Variants in EPC2 observed in about 807,000 individuals in gnomAD.
EPC2 encodes the protein enhancer of polycomb 2, also known as enhancer of polycomb homolog 2.
EPC2 carries 14 observed loss-of-function variants against 92.1 expected under a neutral mutation model. The ratio of observed to expected loss-of-function variants is 0.15; its 90% CI spans 0.10 to 0.24. The LOEUF (loss-of-function observed/expected upper bound fraction) is 0.24, where lower values mean the gene tolerates loss of function less well. Among genes scored for constraint, EPC2 ranks in the 10% least tolerant of loss-of-function variants. The pLI is 1.00. For missense variants in EPC2, 755 were observed against 971.5 expected, an observed-to-expected ratio of 0.78 and a Z score of 2.96; for synonymous variants, 340 against 334.7, an observed-to-expected ratio of 1.02 and a Z score of -0.17.
intron 2 of EPC2, among the ~76,000 whole-genome samples, chr2:148,739,915 T>C (rs1352709342): frequency 7.6e-6 from 1 of 131,312 alleles, no homozygotes; most frequent in African/African-American, 2.8e-5. Flanking sequence ...CACAGACACA[T>C]GCCCTTATTA....
chr2:148,710,857 G>A (rs896248058), intron 2 of EPC2, among the ~76,000 whole-genome samples: 1 of 152,054 alleles, frequency 6.6e-6, no homozygotes, highest in Admixed American at 6.5e-5. Flanking sequence ...GGGTTGGGGG[G>A]AGTGGGGAGG....
intron 4 of EPC2, among the ~76,000 whole-genome samples, chr2:148,757,103 G>A (rs974401275): frequency 3.3e-5 from 5 of 152,188 alleles, no homozygotes; most frequent in Non-Finnish European, 5.9e-5. Flanking sequence ...AGGGCTGGGC[G>A]TGGTGGCTCA....
At chr2:148,713,091 ATTTACTATTCTATACTT>A (rs1183056809) in intron 2 of EPC2, among the ~76,000 whole-genome samples, 1 of 152,212 alleles carries the variant, frequency 6.6e-6, no homozygotes, top group African/African-American at 2.4e-5. Context: ...TAGCTTGTGT[ATTTACTATTCTATACTT>A]TTTAATCGTT....
intron 7 of EPC2, among the ~76,000 whole-genome samples, chr2:148,767,784 C>T (rs755276751): frequency 6.6e-6 from 1 of 152,152 alleles, no homozygotes; most frequent in African/African-American, 2.4e-5. Context: ...CTTCTTTTGT[C>T]CCCTGGAATC....
chr2:148,707,251 A>C (rs535524943), intron 2 of EPC2, among the ~76,000 whole-genome samples: 55 of 152,350 alleles, frequency 3.6e-4, no homozygotes, highest in Admixed American at 1.5e-3. Flanking sequence ...GAGATAAAGA[A>C]GGCCATTACA....
chr2:148,649,530 T>TAGTA (rs1414436876), intron 1 of EPC2, among the ~76,000 whole-genome samples: 1 of 152,280 alleles, frequency 6.6e-6, no homozygotes, highest in African/African-American at 2.4e-5. Flanking sequence ...TATTGCTGAG[T>TAGTA]AGTATTCCAG....
chr2:148,713,238 A>G lies in EPC2; in HGVS notation c.313+22865A>G, dbSNP rs564357238. ...TAGCTTCATGCAAGTTATTGCCCCT[A>G]AAGAGCTTCCAGTGGGACAAGATGT... is the stretch of plus-strand genomic sequence containing the variant. On this transcript the variant is annotated intron_variant, in intron 2 of 13. Coordinates refer to ENST00000258484, the MANE Select transcript of EPC2 (RefSeq NM_015630.4). Among the ~76,000 whole-genome samples, 4 of 152,292 alleles carry G rather than the reference A, an allele frequency of 2.6e-5. No individual in the cohort carries two copies. The South Asian group carries it at 8.3e-4, about 32-fold the overall frequency.
At chr2:148,661,948 T>C (rs1251752132) in intron 1 of EPC2, among the ~76,000 whole-genome samples, 1 of 152,140 alleles carries the variant, frequency 6.6e-6, no homozygotes, top group Admixed American at 6.5e-5. Flanking sequence ...ATCCAGAATC[T>C]ACAATGAACT....
chr2:148,694,055 GAATA>G (rs1464162306), intron 2 of EPC2, among the ~76,000 whole-genome samples: 1 of 152,058 alleles, frequency 6.6e-6, no homozygotes, highest in Non-Finnish European at 1.5e-5. Context: ...AATATTTGCT[GAATA>G]AATAAATGAG....
At chr2:148,748,906 A>G (rs1339670693) in intron 3 of EPC2, among the ~76,000 whole-genome samples, 1 of 151,916 alleles carries the variant, frequency 6.6e-6, no homozygotes, top group Non-Finnish European at 1.5e-5. Flanking sequence ...TATTTTTATT[A>G]TTTTTCAGCT....
intron 2 of EPC2, among the ~76,000 whole-genome samples, chr2:148,741,456 CCTTTAGATATTT>C (rs1682877779): frequency 6.6e-6 from 1 of 151,962 alleles, no homozygotes; most frequent in Non-Finnish European, 1.5e-5. Flanking sequence ...AAAGCAAATG[CCTTTAGATATTT>C]TAACTTCATC....
chr2:148,761,381 A>G (rs1683298562), intron 4 of EPC2, among the ~76,000 whole-genome samples: 1 of 152,168 alleles, frequency 6.6e-6, no homozygotes, highest in African/African-American at 2.4e-5. Context: ...GGATGAATGG[A>G]TGAGGGGACT....
intron 8 of EPC2, among the ~76,000 whole-genome samples, chr2:148,770,075 T>C (rs936769146): frequency 6.6e-6 from 1 of 152,196 alleles, no homozygotes; most frequent in Non-Finnish European, 1.5e-5. Context: ...AGACAGGGTC[T>C]TGCTCTGTCA....
At chr2:148,656,437 T>A (rs1354887601) in intron 1 of EPC2, among the ~76,000 whole-genome samples, 1 of 152,170 alleles carries the variant, frequency 6.6e-6, no homozygotes, top group Non-Finnish European at 1.5e-5. Context: ...ACTGTAATAT[T>A]TATTTATGAC....
intron 2 of EPC2, among the ~76,000 whole-genome samples, chr2:148,705,389 G>A (rs145171722): frequency 0.021 from 3,255 of 152,248 alleles, 44 homozygotes; most frequent in Middle Eastern, 0.065. Context: ...GGCTGAATAG[G>A]AACAGCTCTG....
rs748355974 is a variant in EPC2, at chr2:148,765,005, AAAG to A, written c.1006_1008del (p.Lys336del). The A allele has an allele frequency of 5.4e-5, 86 of 1,604,424 alleles. No homozygotes were observed. The highest frequency in any genetic ancestry group is 2.1e-4 in the South Asian group (19 of 89,098). ...AAGAGGCTTCTGATGTGGTTCGTCA[AAAG>A]AAGAAGTACCCAAAGAAGCCTAAAG... On this transcript the variant is annotated inframe_deletion, in exon 7 of 14. Transcript: ENST00000258484.
At chr2:148,685,076 A>G (rs1415924437) in intron 1 of EPC2, among the ~76,000 whole-genome samples, 2 of 151,758 alleles carry the variant, frequency 1.3e-5, no homozygotes, top group African/African-American at 4.8e-5. Context: ...TTTTTCCTTT[A>G]GGGTTACTTT....
At chr2:148,775,650 TTTAAATAAAA>T (rs1240556670) in intron 10 of EPC2, among the ~76,000 whole-genome samples, 1 of 42,786 alleles carries the variant, frequency 2.3e-5, no homozygotes, top group African/African-American at 1.4e-4. Context: ...AAATAAAATC[TTTAAATAAAA>T]TTAAATAAAA....
chr2:148,743,463 C>T (rs1298198361), intron 2 of EPC2, among the ~76,000 whole-genome samples, 159 bp from the exon 3 acceptor site: 2 of 152,054 alleles, frequency 1.3e-5, no homozygotes, highest in Non-Finnish European at 2.9e-5. Context: ...TTTTCTTCCA[C>T]TGTGCAGTAA....
Sources: allele counts gnomAD v4.1 joint callset (sites outside exome capture counted in the v4.1 genomes callset), GRCh38; gene constraint gnomAD v4.1.1; transcripts MANE v1.5; gene names NCBI Gene and HGNC (gene_info 2026-07-23, HGNC 2026-07-21).